MYLK: variants seen among roughly 807,000 people sequenced by gnomAD.
The protein encoded by MYLK is myosin light chain kinase.
In MYLK, 106 loss-of-function variants were observed where a neutral mutation model predicts 203.4. That is an observed-to-expected ratio of 0.52 (90% CI 0.45 to 0.61). The LOEUF is 0.61. MYLK is among the 20% of genes least tolerant of loss of function. The probability of loss-of-function intolerance (pLI) is 0.00; values close to 1 mark genes in which losing one functional copy is unlikely to be tolerated. For synonymous variants in MYLK, 867 were observed against 959.5 expected (o/e 0.90, Z 1.78); for missense variants, 2,072 against 2,442.3 (o/e 0.85, Z 3.20).
At chr3:123,826,136 T>C (rs997013827) in intron 3 of MYLK, among the ~76,000 whole-genome samples, 2 of 152,114 alleles carry the variant, frequency 1.3e-5, no homozygotes, top group Non-Finnish European at 2.9e-5. Flanking sequence ...CTGAGCAGCT[T>C]TGCACCTGGG....
rs1167906057 is a variant in MYLK at position 123,610,680 on chromosome 3, A to G, written c.*3425T>C. 1.3e-5 allele frequency: 2 copies of G among 152,234 alleles called. No homozygotes were observed. The highest frequency in any genetic ancestry group is 4.8e-5 in the African/African-American group (2 of 41,448). The allele number at this position is 152,234 out of a possible 1,614,324, so 9.4% of individuals were successfully genotyped here. The stretch of plus-strand genomic sequence containing the variant: ...CTTTCAAATTACAGGAAGGAGTCCC[A>G]AGGGATAAAGAGAGTAGTGCTACTT... On this transcript the variant is annotated 3_prime_UTR_variant, in exon 34 of 34. Transcript: ENST00000360304.
chr3:123,660,351 G>A (rs1452145994), intron 23 of MYLK, among the ~76,000 whole-genome samples: 1 of 152,092 alleles, frequency 6.6e-6, no homozygotes, highest in African/African-American at 2.4e-5. Flanking sequence ...GGGATTATTG[G>A]GTATTTGGGG....
rs148899079 is a variant in MYLK at position 123,774,765 on chromosome 3, C to T, written c.165+18912G>A. Among the ~76,000 whole-genome samples, 47 of 152,288 alleles carry T rather than the reference C, an allele frequency of 3.1e-4. No homozygotes were observed. In the South Asian group the frequency reaches 9.5e-3, roughly 31 times the overall value. ...ACTCCTAGAAAGGCCTAGAATGAAA[C>T]CGGCCTTCTTCATGAGGTCTTCTGA... On this transcript the variant is annotated intron_variant, in intron 4 of 33. Coordinates refer to ENST00000360304, the MANE Select transcript of MYLK (RefSeq NM_053025.4).
chr3:123,801,431 A>G (rs779845819), intron 3 of MYLK, among the ~76,000 whole-genome samples: 1 of 152,188 alleles, frequency 6.6e-6, no homozygotes, highest in Non-Finnish European at 1.5e-5. Context: ...TTTAAAAAAA[A>G]CTTTTATTCT....
intron 3 of MYLK, among the ~76,000 whole-genome samples, chr3:123,803,650 C>T (rs965927490): frequency 1.3e-5 from 2 of 152,238 alleles, no homozygotes; most frequent in African/African-American, 4.8e-5. Flanking sequence ...CAGGGATGAG[C>T]TGCTGCAGGA....
intron 22 of MYLK, 126 bp downstream of exon 22, chr3:123,666,093 C>T: frequency 1.4e-6 from 2 of 1,477,312 alleles, no homozygotes; most frequent in Non-Finnish European, 1.9e-6. Flanking sequence ...GGGGAGTGGC[C>T]TCTCCCATTT....
chr3:123,862,877 G>A (rs2032037177), intron 2 of MYLK, among the ~76,000 whole-genome samples: 1 of 151,948 alleles, frequency 6.6e-6, no homozygotes, highest in Non-Finnish European at 1.5e-5. Context: ...TATCCCATGG[G>A]CTCCCCAGCT....
At chr3:123,810,667 C>T (rs1005297229) in intron 3 of MYLK, among the ~76,000 whole-genome samples, 8 of 152,342 alleles carry the variant, frequency 5.3e-5, no homozygotes, top group Admixed American at 2.6e-4. Flanking sequence ...CTCAGGTAGG[C>T]AGGTGAACCC....
chr3:123,620,415 G>A (rs2057790564), intron 31 of MYLK, 79 bp from the exon 32 acceptor site: 1 of 1,606,784 alleles, frequency 6.2e-7, no homozygotes, highest in Non-Finnish European at 8.5e-7. Context: ...GCAGGGAGTA[G>A]AGCCCAGCCC....
At chr3:123,735,949 C>T (rs2062660192) in intron 8 of MYLK, among the ~76,000 whole-genome samples, 1 of 152,178 alleles carries the variant, frequency 6.6e-6, no homozygotes, top group Non-Finnish European at 1.5e-5. Flanking sequence ...TCTTATATAT[C>T]CATTTTTGTT....
chr3:123,726,961 G>A (rs2062310472), intron 11 of MYLK, among the ~76,000 whole-genome samples: 1 of 152,204 alleles, frequency 6.6e-6, no homozygotes, highest in South Asian at 2.1e-4. Flanking sequence ...ACAGAAATGA[G>A]AAGAAATGTC....
Position 123,629,683 on chromosome 3 carries a change from T to C in MYLK, c.4962-57A>G. ...GCTAGGAGAGGGCGCGACGACCAGGTGAGTGGTAACTGAGGTCAAAGGCGA... is the reference window on the plus strand; with the variant it reads ...GCTAGGAGAGGGCGCGACGACCAGGCGAGTGGTAACTGAGGTCAAAGGCGA... On this transcript the variant is annotated intron_variant, in intron 29 of 33. Coordinates refer to ENST00000360304, the MANE Select transcript of MYLK (RefSeq NM_053025.4). This position sits in a 1 kb window ranked among gnomAD's most constrained non-coding sequence, Gnocchi z 4.4. 1 of 1,601,450 alleles carries C rather than the reference T, an allele frequency of 6.2e-7. No homozygotes were observed. Among genetic ancestry groups the C allele is most frequent in the African/African-American group, 1.3e-5 (1 of 74,614 alleles).
At chr3:123,659,604 G>A in intron 23 of MYLK, 1 of 486,464 alleles carries the variant, frequency 2.1e-6, no homozygotes, top group Non-Finnish European at 4.1e-6. Flanking sequence ...TGCCTTTAGA[G>A]CTGTGGGCTG....
At chr3:123,749,391 T>C (rs1051299710) in intron 5 of MYLK, among the ~76,000 whole-genome samples, 1 of 152,192 alleles carries the variant, frequency 6.6e-6, no homozygotes, top group Non-Finnish European at 1.5e-5. Flanking sequence ...GTCTCTTCCT[T>C]GCTCTGCACC....
At position 123,640,221 on chromosome 3, in the gene MYLK, C is replaced by G. The variant is rs1479202335; in HGVS notation, c.4837+66G>C. 1.1e-4 allele frequency: 152 copies of G among 1,390,876 alleles called. No individual in the cohort carries two copies. Among genetic ancestry groups the G allele is most frequent in the Non-Finnish European group, 1.4e-4 (132 of 977,632 alleles). The allele number at this position is 1,390,876 out of a possible 1,614,324, so 86.2% of individuals were successfully genotyped here. ...AATACTGTATGTTTCCTCTCACACT[C>G]AGTGTGAGAGGAAACGGCCAGTGCA... is the stretch of plus-strand genomic sequence containing the variant. On this transcript the variant is annotated intron_variant, in intron 28 of 33. Coordinates refer to ENST00000360304, the MANE Select transcript of MYLK (RefSeq NM_053025.4). This position sits in a 1 kb window ranked among gnomAD's most constrained non-coding sequence, Gnocchi z 4.3.
intron 11 of MYLK, among the ~76,000 whole-genome samples, chr3:123,730,988 G>A (rs1372335758): frequency 4.6e-5 from 7 of 152,104 alleles, no homozygotes; most frequent in Non-Finnish European, 8.8e-5. Context: ...ACCCCATGAC[G>A]CGAACAGGCT....
intron 4 of MYLK, among the ~76,000 whole-genome samples, chr3:123,775,072 C>T (rs996813213): frequency 1.2e-4 from 19 of 152,014 alleles, no homozygotes; most frequent in African/African-American, 4.6e-4. Context: ...TGCTCTGTCA[C>T]CCAGGTTGGA....
chr3:123,720,694 T>C (rs1399030086), intron 13 of MYLK, among the ~76,000 whole-genome samples: 1 of 152,176 alleles, frequency 6.6e-6, no homozygotes, highest in Non-Finnish European at 1.5e-5. Flanking sequence ...GGCTGCAAAT[T>C]CCCAGAGGCC....
At position 123,806,019 on chromosome 3, in the gene MYLK, A is replaced by C. The variant is rs149055443; in HGVS notation, c.-3-12175T>G. ...TTCACTTAAATGTTTTAGTTCATTTAAATATTGCTACAAACATTGCCCTAT... is the reference window on the plus strand; with the variant it reads ...TTCACTTAAATGTTTTAGTTCATTTCAATATTGCTACAAACATTGCCCTAT... On this transcript the variant is annotated intron_variant, in intron 3 of 33. Transcript: ENST00000360304. Among the ~76,000 whole-genome samples, 93 of 152,370 alleles carry C rather than the reference A, an allele frequency of 6.1e-4. 2 individuals are homozygous for C. The South Asian group carries it at 0.011, about 18-fold the overall frequency.
Sources: allele counts gnomAD v4.1 joint callset (sites outside exome capture counted in the v4.1 genomes callset), GRCh38; gene constraint gnomAD v4.1.1; non-coding constraint Gnocchi (gnomAD v3.1); transcripts MANE v1.5; gene names NCBI Gene and HGNC (gene_info 2026-07-23, HGNC 2026-07-21).